The following SCARA3 variants were observed in gnomAD, a reference collection of about 807,000 sequenced individuals.
SCARA3 encodes scavenger receptor class A member 3.
SCARA3 carries 39 observed loss-of-function variants against 47.0 expected under a neutral mutation model. The observed-to-expected ratio is 0.83, with a 90% CI of 0.64 to 1.08. The LOEUF is 1.08. SCARA3 is among the 50% of genes least tolerant of loss of function. The pLI is 0.00. For missense variants in SCARA3, 724 were observed against 792.3 expected (o/e 0.91, Z 1.04); for synonymous variants, 356 against 334.1 (o/e 1.07, Z -0.71).
At chr8:27,700,615 A>T in the SCARA3 span, among the ~76,000 whole-genome samples, 1 of 148,332 alleles carries the variant, frequency 6.7e-6, no homozygotes, top group African/African-American at 2.4e-5. Flanking sequence ...TCAAAAATAA[A>T]AAAAAAAAAA....
chr8:27,656,933 G>T, intron 4 of SCARA3, 53 bp downstream of exon 4: 1 of 1,188,454 alleles, frequency 8.4e-7, no homozygotes, highest in Admixed American at 1.7e-5. Context: ...GTGGGGCAGG[G>T]GTGCCCTCCC....
In SCARA3 at chr8:27,637,724, A is replaced by G. The variant is rs1007297186; in HGVS notation, c.7+3517A>G. Among the ~76,000 whole-genome samples, 4 of 151,980 alleles carry G rather than the reference A, an allele frequency of 2.6e-5. No individual in the cohort carries two copies. In the East Asian group the frequency reaches 7.8e-4, roughly 30 times the overall value. Reference sequence around the variant, plus strand: ...TGGGAGAAACAACCCCTCCTTCCAGAATCAGAGAGCAGTGCCCACTTCATT... The same window carrying G: ...TGGGAGAAACAACCCCTCCTTCCAGGATCAGAGAGCAGTGCCCACTTCATT... On this transcript the variant is annotated intron_variant, in intron 1 of 5. Coordinates refer to ENST00000301904, the MANE Select transcript of SCARA3 (RefSeq NM_016240.3).
chr8:27,655,101 A>T (rs941850210), intron 3 of SCARA3, among the ~76,000 whole-genome samples: 1 of 152,220 alleles, frequency 6.6e-6, no homozygotes, highest in African/African-American at 2.4e-5. Flanking sequence ...CAGCTCTGAG[A>T]TGTACAATAT....
chr8:27,658,782 C>T lies in SCARA3; in HGVS notation c.612C>T (p.Leu204=). Residue 204 remains leucine, a synonymous_variant, in exon 5 of 6, where the codon CTC becomes CTT. Transcript: ENST00000301904. ...AGGCCACCACAGCTGGCCTGGACCTCTCTCTGAAGGACCTCACCCAGGAGT... is the reference window on the plus strand; with the variant it reads ...AGGCCACCACAGCTGGCCTGGACCTTTCTCTGAAGGACCTCACCCAGGAGT... ...GWQATTAGLD[L]SLKDLTQECY... is the part of the protein sequence containing the mutation. 1 of 1,614,108 alleles carries T rather than the reference C, an allele frequency of 6.2e-7. No individual in the cohort carries two copies. The highest frequency in any genetic ancestry group is 1.1e-5 in the South Asian group (1 of 91,074).
chr8:27,698,983 G>A, the SCARA3 span, among the ~76,000 whole-genome samples: 160 of 152,086 alleles, frequency 1.1e-3, no homozygotes, highest in East Asian at 0.02. Context: ...AGTGGCTCAC[G>A]CCTGTAATCT....
intron 5 of SCARA3, among the ~76,000 whole-genome samples, chr8:27,669,595 C>T (rs1802099382): frequency 5.9e-5 from 9 of 152,258 alleles, no homozygotes. Context: ...GCTAACTCAA[C>T]AATGGAATCT....
the SCARA3 span, among the ~76,000 whole-genome samples, chr8:27,721,702 T>C: frequency 6.6e-6 from 1 of 152,148 alleles, no homozygotes; most frequent in Non-Finnish European, 1.5e-5. Context: ...AATGCTGATG[T>C]TTGGCTTTGA....
In SCARA3 at chr8:27,671,892, G is replaced by A. The variant is rs1802175811; in HGVS notation, c.*541G>A. On this transcript the variant is annotated 3_prime_UTR_variant, in exon 6 of 6. Transcript: ENST00000301904. The stretch of plus-strand genomic sequence containing the variant: ...TTCCCTGGCTGGGCAGGAGGAGAGG[G>A]CAGAGGAAGACCCCCTCTCCTGTGA... 1 of 985,358 alleles carries A rather than the reference G, an allele frequency of 1.0e-6. No homozygotes were observed. The highest frequency in any genetic ancestry group is 6.1e-5 in the Admixed American group (1 of 16,274). 61.0% of individuals were successfully genotyped at this position (985,358 alleles called of 1,614,324 possible).
the SCARA3 span, among the ~76,000 whole-genome samples, chr8:27,721,149 GAAC>G: frequency 1.4e-5 from 2 of 142,202 alleles, no homozygotes; most frequent in Non-Finnish European, 3.1e-5. Context: ...GCCATTTTAA[GAAC>G]ATCCAAGCTT....
the SCARA3 span, among the ~76,000 whole-genome samples, chr8:27,705,035 C>T: frequency 3.9e-5 from 6 of 152,248 alleles, no homozygotes; most frequent in South Asian, 2.1e-4. Context: ...TTGGCCAAAA[C>T]GGAACTCACA....
chr8:27,728,659 A>G, the SCARA3 span, among the ~76,000 whole-genome samples: 1 of 152,196 alleles, frequency 6.6e-6, no homozygotes, highest in Admixed American at 6.5e-5. Context: ...TCTGAATTAT[A>G]TGTGAGATTG....
chr8:27,675,619 G>C (rs1446991858), downstream of SCARA3, among the ~76,000 whole-genome samples: 6 of 152,070 alleles, frequency 3.9e-5, no homozygotes, highest in Admixed American at 2.6e-4. Context: ...GTGAAACCCC[G>C]TCTCTACTGA....
At chr8:27,666,076 G>A (rs1053064485) in intron 5 of SCARA3, among the ~76,000 whole-genome samples, 10 of 152,198 alleles carry the variant, frequency 6.6e-5, no homozygotes, top group Admixed American at 1.3e-4. Context: ...GGACGAAAAA[G>A]CAGAGACTGT....
the SCARA3 span, among the ~76,000 whole-genome samples, chr8:27,711,530 T>A: frequency 7.9e-5 from 12 of 152,182 alleles, no homozygotes; most frequent in Non-Finnish European, 8.8e-5. Context: ...CTGTCTTACA[T>A]CTGGAATCCA....
intron 3 of SCARA3, 93 bp downstream of exon 3, chr8:27,651,720 A>G: frequency 6.6e-7 from 1 of 1,516,706 alleles, no homozygotes; most frequent in Non-Finnish European, 8.9e-7. Flanking sequence ...AACACTTGAC[A>G]TCTGTATCCC....
chr8:27,660,459 G>A (rs560822922), intron 5 of SCARA3, among the ~76,000 whole-genome samples: 12 of 151,862 alleles, frequency 7.9e-5, no homozygotes, highest in Admixed American at 1.3e-4. Context: ...AATCAATAGT[G>A]TATAGAGATA....
intron 1 of SCARA3, among the ~76,000 whole-genome samples, chr8:27,638,712 A>T (rs1801314214): frequency 6.6e-6 from 1 of 152,076 alleles, no homozygotes; most frequent in South Asian, 2.1e-4. Flanking sequence ...AGCTACAAAG[A>T]GCTCAGATGC....
intron 1 of SCARA3, among the ~76,000 whole-genome samples, chr8:27,643,804 A>C (rs1468140712): frequency 6.6e-6 from 1 of 152,162 alleles, no homozygotes; most frequent in East Asian, 1.9e-4. Context: ...AGTTCCTCGA[A>C]TCTCTCCCCC....
chr8:27,727,036 A>C, the SCARA3 span, among the ~76,000 whole-genome samples: 1 of 152,092 alleles, frequency 6.6e-6, no homozygotes, highest in African/African-American at 2.4e-5. Flanking sequence ...TCGGCATCCC[A>C]AAGTGTTGGG....
Sources: gnomAD v4.1 joint callset for allele counts (sites outside exome capture counted in the v4.1 genomes callset) on GRCh38, gnomAD v4.1.1 for gene constraint, MANE v1.5 for transcripts, NCBI Gene and HGNC (gene_info 2026-07-23, HGNC 2026-07-21) for gene names.